The following CSMD1 variants were observed in gnomAD, a reference collection of about 807,000 sequenced individuals.
CSMD1 encodes CUB and sushi domain-containing protein 1.
A neutral mutation model predicts 417.5 loss-of-function variants in CSMD1; 213 were observed. That is an observed-to-expected ratio of 0.51 (90% confidence interval 0.46 to 0.57). The LOEUF is 0.57. CSMD1 is among the 20% of genes least tolerant of loss of function. CSMD1 has a pLI of 0.00. For synonymous variants in CSMD1, 2,862 were observed against 1,736.8 expected (o/e 1.65, Z -16.11); for missense variants, 6,923 against 4,529.7 (o/e 1.53, Z -15.17).
rs1348690914 is a variant in CSMD1 at position 4,498,982 on chromosome 8, A to T, written c.303-78917T>A. ...CTGTAAAGCTAAATTCCTTAGAATT[A>T]AAAAAAAGTAATTGAAACATTTTCT... On this transcript the variant is annotated intron_variant, in intron 2 of 69. Coordinates refer to ENST00000635120, the MANE Select transcript of CSMD1 (RefSeq NM_033225.6). Among the ~76,000 whole-genome samples the T allele has an allele frequency of 2.6e-5, 4 of 152,204 alleles. No individual in the cohort carries two copies. The East Asian group carries it at 7.7e-4, about 29-fold the overall frequency.
chr8:4,762,802 T>C (rs771803869), intron 1 of CSMD1, among the ~76,000 whole-genome samples: 5 of 152,194 alleles, frequency 3.3e-5, no homozygotes, highest in Admixed American at 6.5e-5. Context: ...AAAAAATGTA[T>C]CTAAATTACA....
chr8:4,253,362 G>C (rs192716848), intron 3 of CSMD1, among the ~76,000 whole-genome samples: 1 of 149,334 alleles, frequency 6.7e-6, no homozygotes, highest in Non-Finnish European at 1.5e-5. Context: ...TTATAATTAC[G>C]CATTTAAATG....
At chr8:4,897,916 T>C (rs547729809) in intron 1 of CSMD1, among the ~76,000 whole-genome samples, 1 of 152,138 alleles carries the variant, frequency 6.6e-6, no homozygotes, top group Non-Finnish European at 1.5e-5. Context: ...CTTTGTTAAG[T>C]GGGGACATTA....
chr8:4,253,143 T>G (rs1217200774), intron 3 of CSMD1, among the ~76,000 whole-genome samples: 1 of 152,206 alleles, frequency 6.6e-6, no homozygotes, highest in Non-Finnish European at 1.5e-5. Context: ...GAGTATTTTC[T>G]AAAACGATAA....
intron 6 of CSMD1, among the ~76,000 whole-genome samples, chr8:3,716,550 C>A (rs890121015): frequency 2.0e-5 from 3 of 152,152 alleles, no homozygotes; most frequent in African/African-American, 7.2e-5. Flanking sequence ...CAGAGTCACT[C>A]TCGTCCCCGT....
intron 4 of CSMD1, among the ~76,000 whole-genome samples, chr8:4,006,101 A>T (rs906498720): frequency 1.4e-4 from 21 of 152,200 alleles, no homozygotes; most frequent in Non-Finnish European, 2.8e-4. Flanking sequence ...AACAGAAAGC[A>T]CCATGTCCGA....
At chr8:3,333,677 T>A (rs1247175411) in intron 23 of CSMD1, among the ~76,000 whole-genome samples, 1 of 152,184 alleles carries the variant, frequency 6.6e-6, no homozygotes, top group East Asian at 1.9e-4. Flanking sequence ...TATTTCCTTA[T>A]TTTTATAACC....
At chr8:4,059,104 A>T (rs1043534198) in intron 3 of CSMD1, among the ~76,000 whole-genome samples, 2 of 152,216 alleles carry the variant, frequency 1.3e-5, no homozygotes, top group Non-Finnish European at 2.9e-5. Context: ...CTCAGACCAC[A>T]GTGCAATCAA....
In CSMD1 at chr8:3,934,841, T is replaced by C. The variant is rs555729616; in HGVS notation, c.818+63062A>G. ...CAGCCTGGGCAACAGAGCAAGACTC[T>C]GTCTCAATAAATAAATTAATTAAAT... On this transcript the variant is annotated intron_variant, in intron 5 of 69. Coordinates refer to ENST00000635120, the MANE Select transcript of CSMD1 (RefSeq NM_033225.6). 2.6e-5 allele frequency among the ~76,000 whole-genome samples: 4 copies of C among 152,264 alleles called. No individual in the cohort carries two copies. The East Asian group carries it at 5.8e-4, about 22-fold the overall frequency.
At position 3,865,534 on chromosome 8, in the gene CSMD1, C is replaced by T. The variant is rs535280951; in HGVS notation, c.819-111492G>A. On this transcript the variant is annotated intron_variant, in intron 5 of 69. Transcript: ENST00000635120. ...TGGGGGAAAGAGTTGGGGGTGGAGG[C>T]AATGAGGGACCAAGCAGGCACGTAC... 1.7e-3 allele frequency among the ~76,000 whole-genome samples: 252 copies of T among 151,934 alleles called. 1 individual carries two copies. Among genetic ancestry groups the T allele is most frequent in the Non-Finnish European group, 1.7e-3 (114 of 67,964 alleles).
At chr8:4,211,347 C>A (rs886418080) in intron 3 of CSMD1, among the ~76,000 whole-genome samples, 2 of 151,780 alleles carry the variant, frequency 1.3e-5, no homozygotes, top group Admixed American at 6.6e-5. Context: ...CTTTACATTT[C>A]TTTTATTCCC....
At chr8:4,686,157 A>G (rs1372628051) in intron 1 of CSMD1, among the ~76,000 whole-genome samples, 7 of 152,234 alleles carry the variant, frequency 4.6e-5, no homozygotes, top group African/African-American at 1.7e-4. Flanking sequence ...CCTACACTCA[A>G]GAAGAGAAGC....
At chr8:3,276,138 C>T (rs1304578646) in intron 26 of CSMD1, among the ~76,000 whole-genome samples, 3 of 152,100 alleles carry the variant, frequency 2.0e-5, no homozygotes, top group Non-Finnish European at 2.9e-5. Flanking sequence ...TGTTAGTTTT[C>T]CTTCTAACAG....
At chr8:3,308,060 ATTC>A (rs1281758911) in intron 24 of CSMD1, among the ~76,000 whole-genome samples, 1 of 30,406 alleles carries the variant, frequency 3.3e-5, no homozygotes, top group Non-Finnish European at 7.3e-5. Context: ...TCATGTGATA[ATTC>A]TAATAATATG....
chr8:4,406,110 C>CG (rs1309379984), intron 3 of CSMD1, among the ~76,000 whole-genome samples: 1 of 152,120 alleles, frequency 6.6e-6, no homozygotes, highest in Non-Finnish European at 1.5e-5. Flanking sequence ...CATTTCACAG[C>CG]GGAACCAAAC....
chr8:4,600,182 C>T (rs1033285870), intron 2 of CSMD1, among the ~76,000 whole-genome samples: 1 of 151,776 alleles, frequency 6.6e-6, no homozygotes, highest in African/African-American at 2.4e-5. Context: ...AACAGGAGTG[C>T]AAATGTCAAA....
intron 30 of CSMD1, among the ~76,000 whole-genome samples, chr8:3,209,369 T>C (rs1353751790): frequency 2.6e-5 from 4 of 152,042 alleles, no homozygotes; most frequent in Non-Finnish European, 5.9e-5. Context: ...CAGGCTGGAG[T>C]ACAGTGGCGT....
intron 5 of CSMD1, among the ~76,000 whole-genome samples, chr8:3,923,209 C>T (rs1809401603): frequency 1.3e-5 from 2 of 152,108 alleles, no homozygotes; most frequent in Admixed American, 1.3e-4. Context: ...GACTCTGGAG[C>T]TCAGGCTATT....
chr8:3,239,476 G>A (rs1252257833), intron 26 of CSMD1, among the ~76,000 whole-genome samples: 1 of 152,150 alleles, frequency 6.6e-6, no homozygotes, highest in Non-Finnish European at 1.5e-5. Context: ...AGACCAAGAG[G>A]TATTTTAGTT....
Sources: allele counts gnomAD v4.1 joint callset (sites outside exome capture counted in the v4.1 genomes callset), GRCh38; gene constraint gnomAD v4.1.1; transcripts MANE v1.5; gene names NCBI Gene and HGNC (gene_info 2026-07-23, HGNC 2026-07-21).